ME1: variants seen among roughly 807,000 people sequenced by gnomAD.
The protein encoded by ME1 is NADP-dependent malic enzyme.
ME1 carries 74 observed loss-of-function variants against 66.4 expected under a neutral mutation model. The ratio of observed to expected loss-of-function variants is 1.11; its 90% CI spans 0.92 to 1.35. The LOEUF (loss-of-function observed/expected upper bound fraction) is 1.35. Ranked by LOEUF, ME1 falls within the 40% of genes most tolerant of loss-of-function variation. ME1 has a pLI of 0.00. For missense variants in ME1, 750 were observed against 694.1 expected (o/e 1.08, Z -0.90); for synonymous variants, 251 against 235.6 (o/e 1.07, Z -0.60).
intron 6 of ME1, among the ~76,000 whole-genome samples, chr6:83,285,396 T>G (rs1160472901): frequency 2.0e-5 from 3 of 152,166 alleles, no homozygotes; most frequent in Non-Finnish European, 4.4e-5. Context: ...CTGGGGATAT[T>G]GCAGGAAACA....
chr6:83,315,277 T>C, intron 6 of ME1, 33 bp downstream of exon 6: 1 of 1,285,434 alleles, frequency 7.8e-7, no homozygotes, highest in East Asian at 2.3e-5. Context: ...TTATTGTTAC[T>C]GACTAAAATA....
chr6:83,219,204 G>T (rs1790043487), intron 12 of ME1, among the ~76,000 whole-genome samples: 1 of 152,130 alleles, frequency 6.6e-6, no homozygotes, highest in African/African-American at 2.4e-5. Context: ...ATTAATTCTT[G>T]TTGTTCTGCA....
chr6:83,409,459 G>A (rs563892498), intron 1 of ME1, among the ~76,000 whole-genome samples: 5 of 152,220 alleles, frequency 3.3e-5, no homozygotes, highest in Non-Finnish European at 7.3e-5. Context: ...ATCCCACAGG[G>A]AGGTGACAAA....
At chr6:83,422,195 T>C (rs895274523) in intron 1 of ME1, among the ~76,000 whole-genome samples, 3 of 152,166 alleles carry the variant, frequency 2.0e-5, no homozygotes, top group African/African-American at 7.2e-5. Context: ...AGAAGTAAAC[T>C]ATAGCATAGA....
chr6:83,280,576 C>T (rs1177466593), intron 6 of ME1, among the ~76,000 whole-genome samples: 1 of 152,206 alleles, frequency 6.6e-6, no homozygotes, highest in Non-Finnish European at 1.5e-5. Context: ...GCAATATCTG[C>T]TAAACTTCTC....
At chr6:83,277,376 T>A (rs1359871019) in intron 6 of ME1, among the ~76,000 whole-genome samples, 1 of 152,180 alleles carries the variant, frequency 6.6e-6, no homozygotes, top group South Asian at 2.1e-4. Flanking sequence ...CCAGTTTAAT[T>A]AGAACTAACC....
chr6:83,357,902 CCTCT>C (rs1051682306), intron 3 of ME1, among the ~76,000 whole-genome samples: 932 of 31,382 alleles, frequency 0.03, 46 homozygotes, highest in Non-Finnish European at 0.036. Context: ...AATAAACTCC[CCTCT>C]CTCTCTCTCT....
intron 3 of ME1, among the ~76,000 whole-genome samples, chr6:83,378,201 G>T (rs1181153197): frequency 6.6e-6 from 1 of 151,038 alleles, no homozygotes; most frequent in Non-Finnish European, 1.5e-5. Context: ...ACAATGGGGG[G>T]GTGGGGAAAA....
At chr6:83,417,670 C>T (rs544671302) in intron 1 of ME1, among the ~76,000 whole-genome samples, 11 of 152,290 alleles carry the variant, frequency 7.2e-5, no homozygotes, top group Non-Finnish European at 8.8e-5. Flanking sequence ...TGAGCTACAA[C>T]GCCAGGCCCA....
At chr6:83,251,344 A>T (rs1790721423) in intron 7 of ME1, among the ~76,000 whole-genome samples, 1 of 151,954 alleles carries the variant, frequency 6.6e-6, no homozygotes, top group African/African-American at 2.4e-5. Flanking sequence ...AAAATACAAA[A>T]ATTAGCCGGG....
At chr6:83,392,691 T>C (rs563158030) in intron 3 of ME1, 21 of 608,122 alleles carry the variant, frequency 3.5e-5, no homozygotes, top group South Asian at 2.3e-4. Flanking sequence ...ATGCTGGCAC[T>C]GAGTACATCA....
chr6:83,392,994 G>C, intron 3 of ME1: 1 of 934,832 alleles, frequency 1.1e-6, no homozygotes, highest in Non-Finnish European at 1.7e-6. Context: ...ACTGTGGGGT[G>C]ACGGCCATGG....
At chr6:83,388,479 T>TG (rs1285215875) in intron 3 of ME1, among the ~76,000 whole-genome samples, 1 of 152,200 alleles carries the variant, frequency 6.6e-6, no homozygotes, top group Admixed American at 6.5e-5. Flanking sequence ...ACCTGAGAGT[T>TG]AAAATTATAC....
intron 1 of ME1, among the ~76,000 whole-genome samples, chr6:83,410,351 A>G (rs903578734): frequency 1.3e-5 from 2 of 152,120 alleles, no homozygotes; most frequent in Admixed American, 6.5e-5. Context: ...CTGCTCAAAA[A>G]CCTGATTAGC....
intron 1 of ME1, among the ~76,000 whole-genome samples, chr6:83,424,869 G>T (rs147766008): frequency 6.6e-6 from 1 of 152,184 alleles, no homozygotes; most frequent in Non-Finnish European, 1.5e-5. Flanking sequence ...CTTACTAGAT[G>T]GCCATCTTAA....
At chr6:83,243,576 TAC>T (rs1285393224) in intron 7 of ME1, among the ~76,000 whole-genome samples, 1,056 of 55,444 alleles carry the variant, frequency 0.019, 113 homozygotes, top group African/African-American at 0.061. Context: ...CTATTATAAT[TAC>T]ATTATATCGA....
At chr6:83,408,032 G>A in intron 1 of ME1, 131 bp from the exon 2 acceptor site, 1 of 988,926 alleles carries the variant, frequency 1.0e-6, no homozygotes, top group South Asian at 2.3e-5. Flanking sequence ...GCATGGCCAT[G>A]TGGCTGTGAG....
chr6:83,379,271 T>C (rs1360339254), intron 3 of ME1, among the ~76,000 whole-genome samples: 1 of 152,094 alleles, frequency 6.6e-6, no homozygotes, highest in South Asian at 2.1e-4. Flanking sequence ...AGTATCTTAT[T>C]TATCTTACTA....
intron 5 of ME1, among the ~76,000 whole-genome samples, chr6:83,331,858 CATA>C (rs1426315992): frequency 6.6e-6 from 1 of 152,016 alleles, no homozygotes; most frequent in African/African-American, 2.4e-5. Flanking sequence ...TTCTTTAAGA[CATA>C]ATAATGTCCA....
Sources: gnomAD v4.1 joint callset for allele counts (sites outside exome capture counted in the v4.1 genomes callset) on GRCh38, gnomAD v4.1.1 for gene constraint, MANE v1.5 for transcripts, NCBI Gene and HGNC (gene_info 2026-07-23, HGNC 2026-07-21) for gene names.